The following SFMBT2 variants were observed in gnomAD, a reference collection of about 807,000 sequenced individuals.
The protein encoded by SFMBT2 is Scm like with four mbt domains 2.
SFMBT2 carries 38 observed loss-of-function variants against 110.1 expected under a neutral mutation model. The observed-to-expected ratio is 0.35, with a 90% CI of 0.27 to 0.45. The LOEUF is 0.45. Ranked by LOEUF, SFMBT2 falls within the 20% of genes least tolerant of loss-of-function variation. SFMBT2 has a pLI of 1.00. For missense variants in SFMBT2, 1,011 were observed against 1,094.9 expected (o/e 0.92, Z 1.08); for synonymous variants, 425 against 425.4 (o/e 1.00, Z 0.01).
At chr10:7,203,968 C>T (rs538308314) in intron 12 of SFMBT2, 100 of 193,102 alleles carry the variant, frequency 5.2e-4, no homozygotes, top group African/African-American at 2.2e-3. Context: ...CCACCCGCCT[C>T]GGCCTCCCAA....
intron 4 of SFMBT2, among the ~76,000 whole-genome samples, chr10:7,331,191 T>A (rs946891668): frequency 3.3e-5 from 5 of 152,234 alleles, no homozygotes; most frequent in Non-Finnish European, 5.9e-5. Flanking sequence ...CACTGTGAGT[T>A]CTAGCTCAGA....
chr10:7,164,772 C>T (rs972272671), intron 20 of SFMBT2, among the ~76,000 whole-genome samples: 7 of 151,370 alleles, frequency 4.6e-5, no homozygotes, highest in Non-Finnish European at 1.0e-4. Flanking sequence ...CACACACACA[C>T]ACACACACAC....
At chr10:7,211,499 C>G (rs2692824) in intron 11 of SFMBT2, among the ~76,000 whole-genome samples, 1 of 151,926 alleles carries the variant, frequency 6.6e-6, no homozygotes, top group African/African-American at 2.4e-5. Flanking sequence ...AATGGACTTA[C>G]GACAGCCAGA....
chr10:7,339,128 T>C (rs1843812275), intron 4 of SFMBT2, among the ~76,000 whole-genome samples: 1 of 152,052 alleles, frequency 6.6e-6, no homozygotes. Context: ...TAGTCCCAGC[T>C]ACTCAGGAGG....
At chr10:7,269,583 T>TCAG (rs1841506758) in intron 7 of SFMBT2, among the ~76,000 whole-genome samples, 1 of 152,182 alleles carries the variant, frequency 6.6e-6, no homozygotes. Flanking sequence ...AACACGCATC[T>TCAG]CAGATGACTC....
chr10:7,240,260 T>C lies in SFMBT2; in HGVS notation c.1120+3298A>G, dbSNP rs1467112122. 4.6e-5 allele frequency among the ~76,000 whole-genome samples: 7 copies of C among 152,142 alleles called. No homozygotes were observed. The East Asian group carries it at 1.3e-3, about 29-fold the overall frequency. ...CTCATAGGTACTGTTTTGCCTCTTC[T>C]CTAACATAGGAAGTGTCATACGATA... On this transcript the variant is annotated intron_variant, in intron 9 of 20. Transcript: ENST00000397167.
In SFMBT2 at chr10:7,333,518, G is replaced by A. The variant is rs150160122; in HGVS notation, c.436+34131C>T. On this transcript the variant is annotated intron_variant, in intron 4 of 20. Coordinates refer to ENST00000397167, the MANE Select transcript of SFMBT2 (RefSeq NM_001387889.1). ...AGCAATCCTCTTGCCTCAGCCTCCC[G>A]AGTAGCTGGGACCACAGGTGTGTGC... 5.8e-3 allele frequency among the ~76,000 whole-genome samples: 882 copies of A among 151,422 alleles called. 6 individuals are homozygous for A. The highest frequency in any genetic ancestry group is 0.019 in the African/African-American group (802 of 41,224).
At chr10:7,256,671 G>A (rs968594274) in intron 7 of SFMBT2, among the ~76,000 whole-genome samples, 7 of 152,194 alleles carry the variant, frequency 4.6e-5, no homozygotes, top group African/African-American at 1.7e-4. Context: ...TCCATGCGAT[G>A]TTATCGATGT....
Position 7,312,013 on chromosome 10 carries a change from T to C in SFMBT2, c.437-26059A>G, listed in dbSNP as rs113782138. On this transcript the variant is annotated intron_variant, in intron 4 of 20. Coordinates refer to ENST00000397167, the MANE Select transcript of SFMBT2 (RefSeq NM_001387889.1). Reference sequence around the variant, plus strand: ...AACACCGCATGTTCTCACTCATAGGTGGGAATTGAACAATGAGAACGCTTG... The same window carrying C: ...AACACCGCATGTTCTCACTCATAGGCGGGAATTGAACAATGAGAACGCTTG... Among the ~76,000 whole-genome samples the C allele has an allele frequency of 3.1e-4, 47 of 151,402 alleles. 2 individuals are homozygous for C. Among genetic ancestry groups the C allele is most frequent in the African/African-American group, 1.1e-3 (45 of 41,220 alleles).
intron 1 of SFMBT2, among the ~76,000 whole-genome samples, chr10:7,402,866 A>C (rs1035697024): frequency 6.6e-5 from 10 of 152,354 alleles, no homozygotes; most frequent in African/African-American, 2.4e-4. Context: ...TCAGTGGCCA[A>C]CACTGTTTAG....
intron 7 of SFMBT2, among the ~76,000 whole-genome samples, chr10:7,259,151 A>C (rs1255654041): frequency 2.0e-5 from 3 of 152,304 alleles, no homozygotes; most frequent in Non-Finnish European, 2.9e-5. Context: ...TCACAGAAAG[A>C]AGCAAGAGCT....
intron 2 of SFMBT2, among the ~76,000 whole-genome samples, chr10:7,373,521 G>A (rs139546757): frequency 6.6e-5 from 10 of 152,270 alleles, no homozygotes; most frequent in Admixed American, 2.0e-4. Flanking sequence ...GAAAGGACAG[G>A]GAATCACCCT....
chr10:7,247,235 G>A (rs1437845672), intron 8 of SFMBT2, among the ~76,000 whole-genome samples: 1 of 152,114 alleles, frequency 6.6e-6, no homozygotes, highest in Admixed American at 6.5e-5. Context: ...TCCTGCCTCA[G>A]CCTCCCAAGA....
intron 11 of SFMBT2, chr10:7,207,428 A>G (rs368330352): frequency 9.9e-4 from 139 of 140,176 alleles, no homozygotes; most frequent in Admixed American, 3.2e-3. Flanking sequence ...AAGGAAAGAA[A>G]GAAAGAAAGA....
intron 20 of SFMBT2, among the ~76,000 whole-genome samples, chr10:7,167,043 C>T (rs747814668): frequency 2.6e-5 from 4 of 152,126 alleles, no homozygotes; most frequent in African/African-American, 7.2e-5. Flanking sequence ...ATAAGATATA[C>T]GACATGCTTA....
chr10:7,395,015 G>A (rs541842284), intron 1 of SFMBT2, among the ~76,000 whole-genome samples: 85 of 152,184 alleles, frequency 5.6e-4, no homozygotes, highest in Non-Finnish European at 1.1e-3. Context: ...ACTAGTGTAG[G>A]TGGGTAGAGA....
intron 15 of SFMBT2, among the ~76,000 whole-genome samples, chr10:7,195,014 C>T (rs1042019919): frequency 6.6e-6 from 1 of 152,214 alleles, no homozygotes; most frequent in African/African-American, 2.4e-5. Flanking sequence ...AACAGGCTTG[C>T]AGGCAGCTTC....
chr10:7,251,392 T>C (rs1415517021), intron 7 of SFMBT2, among the ~76,000 whole-genome samples: 1 of 152,140 alleles, frequency 6.6e-6, no homozygotes, highest in Admixed American at 6.5e-5. Context: ...GACAATCATT[T>C]GAGCCTGGGA....
chr10:7,230,053 A>T (rs1025188259), intron 9 of SFMBT2, among the ~76,000 whole-genome samples: 2 of 151,906 alleles, frequency 1.3e-5, no homozygotes, highest in African/African-American at 4.8e-5. Context: ...TGGGAGGGTG[A>T]CAGTTAAGCA....
Sources: gnomAD v4.1 joint callset for allele counts (sites outside exome capture counted in the v4.1 genomes callset) on GRCh38, gnomAD v4.1.1 for gene constraint, MANE v1.5 for transcripts, NCBI Gene and HGNC (gene_info 2026-07-23, HGNC 2026-07-21) for gene names.